ZC3H12B: variants seen among roughly 807,000 people sequenced by gnomAD.
ZC3H12B encodes the protein zinc finger CCCH-type containing 12B.
Under a neutral mutation model 43.9 loss-of-function variants are expected in ZC3H12B, and 7 were observed. That is an observed-to-expected ratio of 0.16 (90% CI 0.09 to 0.30). The LOEUF (loss-of-function observed/expected upper bound fraction) is 0.30. Among genes scored for constraint, ZC3H12B ranks in the 10% least tolerant of loss-of-function variants. The probability of loss-of-function intolerance (pLI) is 1.00; values close to 1 mark genes in which losing one functional copy is unlikely to be tolerated. For missense variants in ZC3H12B, 475 were observed against 670.2 expected (o/e 0.71, Z 3.22); for synonymous variants, 222 against 241.7 (o/e 0.92, Z 0.76).
At chrX:65,461,499 A>G (rs1450250206) in intron 3 of ZC3H12B, among the ~76,000 whole-genome samples, 1 of 112,496 alleles carries the variant, frequency 8.9e-6, no homozygotes, top group African/African-American at 3.2e-5. Flanking sequence ...TGGCACATAT[A>G]CACCATGGAA....
chrX:65,213,363 T>C, the ZC3H12B span, among the ~76,000 whole-genome samples: 2 of 111,068 alleles, frequency 1.8e-5, no homozygotes, highest in Admixed American at 9.7e-5. Context: ...GCAAGTGAAA[T>C]TATCTTATGT....
chrX:65,342,469 C>T, the ZC3H12B span, among the ~76,000 whole-genome samples: 1 of 112,170 alleles, frequency 8.9e-6, no homozygotes, highest in Non-Finnish European at 1.9e-5. Flanking sequence ...TCTCTTGGAA[C>T]ACAGCACAAT....
the ZC3H12B span, among the ~76,000 whole-genome samples, chrX:65,050,601 GT>G: frequency 9.0e-6 from 1 of 110,837 alleles, no homozygotes; most frequent in South Asian, 3.7e-4. Context: ...ATTTTCTTTT[GT>G]TCTTAGTTTG....
chrX:65,205,554 A>C, the ZC3H12B span, among the ~76,000 whole-genome samples: 1 of 111,713 alleles, frequency 9.0e-6, no homozygotes, highest in Non-Finnish European at 1.9e-5. Context: ...ATATATGACA[A>C]ATCCACAGCC....
chrX:65,464,941 T>C (rs1219014394), intron 3 of ZC3H12B, among the ~76,000 whole-genome samples: 1 of 111,307 alleles, frequency 9.0e-6, no homozygotes, highest in African/African-American at 3.2e-5. Flanking sequence ...CAAACTTCCT[T>C]TCATTATTAA....
At chrX:65,085,454 G>A in the ZC3H12B span, among the ~76,000 whole-genome samples, 2 of 111,074 alleles carry the variant, frequency 1.8e-5, no homozygotes, top group Non-Finnish European at 3.8e-5. Context: ...AAATCACCAT[G>A]GTTTTGTGGT....
chrX:65,056,950 T>G, the ZC3H12B span, among the ~76,000 whole-genome samples: 1 of 111,886 alleles, frequency 8.9e-6, no homozygotes, highest in Non-Finnish European at 1.9e-5. Flanking sequence ...TAGACCTTCC[T>G]CCATCCCTTT....
chrX:65,439,600 T>G (rs1262445949), intron 3 of ZC3H12B, among the ~76,000 whole-genome samples: 1 of 112,236 alleles, frequency 8.9e-6, no homozygotes, highest in Non-Finnish European at 1.9e-5. Flanking sequence ...TGGTAAATAC[T>G]GAGATCAGAA....
At chrX:65,121,130 G>T in the ZC3H12B span, among the ~76,000 whole-genome samples, 1 of 110,993 alleles carries the variant, frequency 9.0e-6, no homozygotes, top group Non-Finnish European at 1.9e-5. Context: ...TTGTGTCTCT[G>T]CCCGGCTTTG....
chrX:65,095,206 A>T, the ZC3H12B span, among the ~76,000 whole-genome samples: 1 of 112,011 alleles, frequency 8.9e-6, no homozygotes, highest in Non-Finnish European at 1.9e-5. Flanking sequence ...GATCTGTATT[A>T]GGAAAATCTG....
At chrX:65,452,099 C>A (rs1308616662) in intron 3 of ZC3H12B, among the ~76,000 whole-genome samples, 2 of 111,617 alleles carry the variant, frequency 1.8e-5, no homozygotes, top group South Asian at 3.8e-4. Flanking sequence ...AATGGGATTT[C>A]TATTCCCCCT....
At chrX:65,086,286 C>A in the ZC3H12B span, among the ~76,000 whole-genome samples, 1 of 111,513 alleles carries the variant, frequency 9.0e-6, no homozygotes, top group Non-Finnish European at 1.9e-5. Context: ...CTTGTTTTCT[C>A]TTTTTCTTTG....
At chrX:65,212,313 T>A in the ZC3H12B span, among the ~76,000 whole-genome samples, 1 of 7,772 alleles carries the variant, frequency 1.3e-4, no homozygotes, top group Non-Finnish European at 1.9e-4. Flanking sequence ...TATAATATAA[T>A]TATTATATTT....
chrX:65,448,358 G>A (rs138330507), intron 3 of ZC3H12B, among the ~76,000 whole-genome samples: 1,208 of 112,167 alleles, frequency 0.011, 16 homozygotes, highest in African/African-American at 0.036. Flanking sequence ...ATTAAAGGTA[G>A]ACTATGATTC....
At chrX:65,416,321 G>A (rs1280580266) in intron 3 of ZC3H12B, among the ~76,000 whole-genome samples, 1 of 111,210 alleles carries the variant, frequency 9.0e-6, no homozygotes, top group Admixed American at 9.6e-5. Context: ...GTTGCTTCTT[G>A]CTGTTACTGG....
chrX:65,197,311 C>T, the ZC3H12B span, among the ~76,000 whole-genome samples: 1 of 112,251 alleles, frequency 8.9e-6, no homozygotes, highest in African/African-American at 3.2e-5. Flanking sequence ...CTGCTCAGCT[C>T]TCTAGCTCTG....
the ZC3H12B span, among the ~76,000 whole-genome samples, chrX:65,294,904 G>C: frequency 9.1e-6 from 1 of 110,221 alleles, no homozygotes; most frequent in African/African-American, 3.3e-5. Flanking sequence ...AGTGATAAAG[G>C]GGGACTTCAT....
At chrX:65,473,754 T>C (rs2067957353) in intron 3 of ZC3H12B, among the ~76,000 whole-genome samples, 1 of 112,087 alleles carries the variant, frequency 8.9e-6, no homozygotes, top group South Asian at 3.7e-4. Flanking sequence ...ATCCTTTCCT[T>C]GTTATCCTTT....
the ZC3H12B span, among the ~76,000 whole-genome samples, chrX:65,160,524 T>A: frequency 8.9e-6 from 1 of 111,897 alleles, no homozygotes; most frequent in Non-Finnish European, 1.9e-5. Context: ...ATCCATTTCT[T>A]CTAGATTTTC....
Sources: gnomAD v4.1 joint callset for allele counts (sites outside exome capture counted in the v4.1 genomes callset) on GRCh38, gnomAD v4.1.1 for gene constraint, MANE v1.5 for transcripts, NCBI Gene and HGNC (gene_info 2026-07-23, HGNC 2026-07-21) for gene names.